Variants in RNF38 observed in about 807,000 individuals in gnomAD.
RNF38 encodes ring finger protein 38, also known as E3 ubiquitin-protein ligase RNF38.
A neutral mutation model predicts 67.2 loss-of-function variants in RNF38; 15 were observed. The ratio of observed to expected loss-of-function variants is 0.22; its 90% CI spans 0.15 to 0.34. The LOEUF (loss-of-function observed/expected upper bound fraction) is 0.34, where lower values mean the gene tolerates loss of function less well. RNF38 is among the 10% of genes least tolerant of loss of function. The pLI is 1.00. For synonymous variants in RNF38, 220 were observed against 218.8 expected, an observed-to-expected ratio of 1.01 and a Z score of -0.05; for missense variants, 524 against 639.9, an observed-to-expected ratio of 0.82 and a Z score of 1.95.
intron 1 of RNF38, among the ~76,000 whole-genome samples, chr9:36,397,044 T>A (rs1424289799): frequency 6.6e-6 from 1 of 150,534 alleles, no homozygotes; most frequent in Non-Finnish European, 1.5e-5. Context: ...TATATACGTA[T>A]ATACACATGT....
intron 1 of RNF38, among the ~76,000 whole-genome samples, chr9:36,448,912 T>C (rs915512398): frequency 1.3e-5 from 2 of 152,086 alleles, no homozygotes; most frequent in African/African-American, 2.4e-5. Flanking sequence ...GGGAATTGCT[T>C]GAACCAGCGA....
Position 36,357,857 on chromosome 9 carries a change from G to C in RNF38, c.656C>G (p.Pro219Arg). The C allele has an allele frequency of 6.2e-7, 1 of 1,614,024 alleles. No individual in the cohort carries two copies. The highest frequency in any genetic ancestry group is 8.5e-7 in the Non-Finnish European group (1 of 1,179,918). ...TGGGACCTGCTGTGTACTACAAGCA[G>C]GGATGTGCTGGCCTGTGCAGAGTGG... ...GIPLCTGQHI[P>R]ACSTQQVPGC... The change falls in exon 5 of 12, where the codon CCT becomes CGT. Residue 219 changes from proline (P) to arginine (R), a missense_variant. Pro to Arg is a moderately radical substitution (Grantham distance 103). Around this residue, in one of 2 missense-constraint regions of RNF38, gnomAD observed 461 missense variants for 517.4 expected, o/e 0.89. Transcript: ENST00000259605.
At chr9:36,443,744 A>G (rs369709044) in intron 1 of RNF38, among the ~76,000 whole-genome samples, 15 of 152,234 alleles carry the variant, frequency 9.9e-5, no homozygotes, top group African/African-American at 3.1e-4. Context: ...AGGATGGTAA[A>G]CAGACTCATC....
At chr9:36,368,041 C>G (rs1004246017) in intron 4 of RNF38, among the ~76,000 whole-genome samples, 1 of 151,918 alleles carries the variant, frequency 6.6e-6, no homozygotes, top group African/African-American at 2.4e-5. Flanking sequence ...TTAGTAGAGA[C>G]GGGGTTTCAC....
At chr9:36,346,357 ATTT>A (rs1017038909) in intron 9 of RNF38, among the ~76,000 whole-genome samples, 1 of 151,706 alleles carries the variant, frequency 6.6e-6, no homozygotes, top group Admixed American at 6.6e-5. Context: ...AATTTTTTGT[ATTT>A]TTTATTTTTT....
Position 36,339,549 on chromosome 9 carries a change from T to A in RNF38, c.*203A>T. Reference sequence around the variant, plus strand: ...AAAGAAAAAGTCTTTGGAGTTCCAATCACACGGTTAGTATAACAATCCCAT... The same window carrying A: ...AAAGAAAAAGTCTTTGGAGTTCCAAACACACGGTTAGTATAACAATCCCAT... On this transcript the variant is annotated 3_prime_UTR_variant, in exon 12 of 12. Transcript: ENST00000259605. 2.0e-6 allele frequency: 1 copy of A among 492,358 alleles called. No individual in the cohort carries two copies. Among genetic ancestry groups the A allele is most frequent in the Non-Finnish European group, 3.7e-6 (1 of 273,904 alleles). The allele number at this position is 492,358 out of a possible 1,614,324, so 30.5% of individuals were successfully genotyped here. A position where few individuals can be genotyped will look rare whatever the true frequency, so the allele number is the denominator to read the frequency against.
chr9:36,354,096 A>C (rs1236128365), intron 6 of RNF38, among the ~76,000 whole-genome samples: 1 of 152,234 alleles, frequency 6.6e-6, no homozygotes, highest in Non-Finnish European at 1.5e-5. Flanking sequence ...AACCATCACC[A>C]CTATCTAGTT....
At position 36,376,173 on chromosome 9, in the gene RNF38, A is replaced by G. The variant is rs964586739; in HGVS notation, c.163-46T>C. On this transcript the variant is annotated intron_variant, in intron 2 of 11. Coordinates refer to ENST00000259605, the MANE Select transcript of RNF38 (RefSeq NM_022781.5). The stretch of plus-strand genomic sequence containing the variant: ...ATCAACTGAGTAAGATCTTTTAAAG[A>G]TTTCACATTACTGCATATGCACAGG... The G allele has an allele frequency of 3.5e-6, 5 of 1,412,262 alleles. No homozygotes were observed. The Admixed American group carries it at 1.3e-4, about 36-fold the overall frequency. The allele number at this position is 1,412,262 out of a possible 1,614,324, so 87.5% of individuals were successfully genotyped here.
chr9:36,403,848 A>G (rs1474354631), upstream of RNF38, among the ~76,000 whole-genome samples: 27 of 152,220 alleles, frequency 1.8e-4, no homozygotes, highest in Admixed American at 1.8e-3. Flanking sequence ...TTCACCTTTT[A>G]AAGAATGTGA....
intron 1 of RNF38, among the ~76,000 whole-genome samples, chr9:36,394,259 G>A (rs1437470280): frequency 6.6e-6 from 1 of 151,728 alleles, no homozygotes; most frequent in Non-Finnish European, 1.5e-5. Flanking sequence ...TGGCGACAGA[G>A]CAAGACTGTC....
intron 11 of RNF38, 43 bp from the exon 12 acceptor site, chr9:36,339,857 C>A: frequency 6.9e-7 from 1 of 1,440,990 alleles, no homozygotes; most frequent in Non-Finnish European, 9.7e-7. Context: ...GTGACACATA[C>A]AATGAAACAC....
At chr9:36,464,417 A>C (rs1839812666) in intron 1 of RNF38, among the ~76,000 whole-genome samples, 1 of 151,940 alleles carries the variant, frequency 6.6e-6, no homozygotes, top group East Asian at 1.9e-4. Context: ...AAATACAAAA[A>C]AAAATTAGCC....
rs1835839983 is a variant in RNF38 at position 36,376,991 on chromosome 9, TAGC to T, written c.163-867_163-865del. Among the ~76,000 whole-genome samples, 2 of 148,500 alleles carry T rather than the reference TAGC, an allele frequency of 1.3e-5. 1 individual carries two copies. Among genetic ancestry groups the T allele is most frequent in the South Asian group, 4.2e-4 (2 of 4,722 alleles). Reference sequence around the variant, plus strand: ...GATTTATGTTAGACAGATAAAGAAATAGCAGATTTACATGATCAGTTCTTAACT... The same window carrying T: ...GATTTATGTTAGACAGATAAAGAAATAGATTTACATGATCAGTTCTTAACT... On this transcript the variant is annotated intron_variant, in intron 2 of 11. Coordinates refer to ENST00000259605, the MANE Select transcript of RNF38 (RefSeq NM_022781.5).
In RNF38 at chr9:36,423,746, G is replaced by A. The variant is rs1170061236; in HGVS notation, n.312+867C>T. 7.0e-5 allele frequency among the ~76,000 whole-genome samples: 2 copies of A among 28,608 alleles called. 1 individual carries two copies. The highest frequency in any genetic ancestry group is 2.0e-4 in the Non-Finnish European group (2 of 9,902). 18.8% of individuals were successfully genotyped at this position (28,608 alleles called of 152,430 possible). A position where few individuals can be genotyped will look rare whatever the true frequency, so the allele number is the denominator to read the frequency against. On this transcript the variant is annotated intron_variant and non_coding_transcript_variant, in intron 2 of 3. Transcript: ENST00000488058. ...GGGCGGATCACGAGGTCAGGAAATCGAGACCATCCTGGCTAACACGGTGAA... is the reference window on the plus strand; with the variant it reads ...GGGCGGATCACGAGGTCAGGAAATCAAGACCATCCTGGCTAACACGGTGAA...
rs1320905510 is a variant in RNF38 at position 36,357,859 on chromosome 9, G to A, written c.654C>T (p.Ile218=). ...HGIPLCTGQH[I]PACSTQQVPG... is the part of the protein sequence containing the mutation. ...GGACCTGCTGTGTACTACAAGCAGG[G>A]ATGTGCTGGCCTGTGCAGAGTGGAA... The change falls in exon 5 of 12, where the codon ATC becomes ATT. Residue 218 remains isoleucine, a synonymous_variant. Transcript: ENST00000259605. The A allele has an allele frequency of 3.7e-6, 6 of 1,613,692 alleles. No individual in the cohort carries two copies.
upstream of RNF38, chr9:36,400,361 G>T: frequency 8.3e-7 from 1 of 1,207,068 alleles, no homozygotes; most frequent in Non-Finnish European, 1.0e-6. Context: ...GCGAGAGAGC[G>T]AGGCCATCTG....
intron 1 of RNF38, among the ~76,000 whole-genome samples, chr9:36,428,165 C>T (rs930042070): frequency 1.3e-5 from 2 of 151,736 alleles, no homozygotes; most frequent in Non-Finnish European, 2.9e-5. Flanking sequence ...GCCTGTAATC[C>T]CAGCACTTTG....
At chr9:36,433,051 C>A (rs1441308973) in intron 1 of RNF38, among the ~76,000 whole-genome samples, 2 of 151,570 alleles carry the variant, frequency 1.3e-5, no homozygotes, top group Non-Finnish European at 2.9e-5. Context: ...TAAATTGCTG[C>A]TGTGATTTCT....
intron 2 of RNF38, among the ~76,000 whole-genome samples, chr9:36,383,718 A>AATGTTGTTTTCAAAAGTTACC (rs1305342466): frequency 1.2e-4 from 19 of 152,144 alleles, no homozygotes; most frequent in African/African-American, 3.9e-4. Flanking sequence ...AGAGGCTCTG[A>AATGTTGTTTTCAAAAGTTACC]ATGTTGTTTT....
Sources: allele counts gnomAD v4.1 joint callset (sites outside exome capture counted in the v4.1 genomes callset), GRCh38; gene constraint gnomAD v4.1.1; regional missense constraint gnomAD v4.1.1; transcripts MANE v1.5; gene names NCBI Gene and HGNC (gene_info 2026-07-23, HGNC 2026-07-21).